Variants in SYNE2 observed in about 807,000 individuals in gnomAD.
The protein encoded by SYNE2 is nesprin-2.
SYNE2 carries 431 observed loss-of-function variants against 856.3 expected under a neutral mutation model. That is an observed-to-expected ratio of 0.50 (90% CI 0.47 to 0.55). The LOEUF is 0.55. SYNE2 is among the 20% of genes least tolerant of loss of function. The pLI, the probability that SYNE2 is intolerant of heterozygous loss-of-function variation, is 0.00. For synonymous variants in SYNE2, 2,923 were observed against 2,872.3 expected, an observed-to-expected ratio of 1.02 and a Z score of -0.56; for missense variants, 8,129 against 8,023.2, an observed-to-expected ratio of 1.01 and a Z score of -0.50.
chr14:63,924,646 A>T (rs1217080782), intron 2 of SYNE2, among the ~76,000 whole-genome samples: 1 of 152,062 alleles, frequency 6.6e-6, no homozygotes, highest in Non-Finnish European at 1.5e-5. Flanking sequence ...TCAAATAGCA[A>T]TTTCTTGATT....
chr14:63,801,171 C>T (rs1227568560), intron 1 of SYNE2, among the ~76,000 whole-genome samples: 1 of 151,914 alleles, frequency 6.6e-6, no homozygotes, highest in Non-Finnish European at 1.5e-5. Context: ...AGAGTGCCTG[C>T]CAGATATGAC....
chr14:63,969,046 T>C (rs1349342484), intron 11 of SYNE2, among the ~76,000 whole-genome samples: 6 of 152,204 alleles, frequency 3.9e-5, no homozygotes, highest in Non-Finnish European at 8.8e-5. Flanking sequence ...TAAACTGTTT[T>C]GATTTTTAGA....
Position 63,967,810 on chromosome 14 carries a change from A to C in SYNE2, c.1092A>C (p.Leu364Phe). 6.2e-7 allele frequency: 1 copy of C among 1,614,124 alleles called. No individual in the cohort carries two copies. Among genetic ancestry groups the C allele is most frequent in the Non-Finnish European group, 8.5e-7 (1 of 1,179,970 alleles). ...RDLDELDKDH[L>F]QLREAWDGLD... is the part of the protein sequence containing the mutation. ...TGGATGAGCTGGACAAGGATCATTT[A>C]CAGTTGAGAGAAGCCTGGGATGGCC... The change falls in exon 11 of 116, where the codon TTA becomes TTC. Residue 364 changes from leucine to phenylalanine, a missense_variant. Leu to Phe is a conservative substitution (Grantham distance 22, BLOSUM62 0). Around this residue, in one of 3 missense-constraint regions of SYNE2, gnomAD observed 2,422 missense variants for 2,357.4 expected, o/e 1.03. Coordinates refer to ENST00000555002, the MANE Select transcript of SYNE2 (RefSeq NM_182914.3).
At chr14:63,834,643 C>CTTTTTTTTTT (rs368369862) in intron 1 of SYNE2, among the ~76,000 whole-genome samples, 1 of 134,948 alleles carries the variant, frequency 7.4e-6, no homozygotes, top group African/African-American at 2.7e-5. Flanking sequence ...CTTTTTCTTT[C>CTTTTTTTTTT]TTTTTTTTTT....
intron 1 of SYNE2, among the ~76,000 whole-genome samples, chr14:63,898,789 C>T (rs1459048555): frequency 1.3e-5 from 2 of 152,110 alleles, no homozygotes; most frequent in African/African-American, 4.8e-5. Context: ...TTTTTCTACC[C>T]TAACACTTGA....
At chr14:63,926,302 C>T (rs905102855) in intron 2 of SYNE2, among the ~76,000 whole-genome samples, 2 of 149,394 alleles carry the variant, frequency 1.3e-5, no homozygotes, top group East Asian at 2.0e-4. Flanking sequence ...CTATTTTGGG[C>T]ATGTCACATA....
intron 95 of SYNE2, among the ~76,000 whole-genome samples, chr14:64,176,517 G>C (rs1567552618): frequency 6.6e-6 from 1 of 152,146 alleles, no homozygotes; most frequent in Non-Finnish European, 1.5e-5. Flanking sequence ...GAAAGTGAAG[G>C]TTGAATGTGA....
At chr14:64,203,033 CG>C in intron 100 of SYNE2, 70 bp downstream of exon 100, 2 of 1,579,190 alleles carry the variant, frequency 1.3e-6, no homozygotes, top group South Asian at 1.1e-5. Context: ...AGGCCTTCCC[CG>C]TATATCTATG....
intron 8 of SYNE2, among the ~76,000 whole-genome samples, chr14:63,955,547 T>TA (rs568696756): frequency 5.9e-5 from 9 of 152,128 alleles, no homozygotes; most frequent in Non-Finnish European, 1.3e-4. Flanking sequence ...TAAAAAAACA[T>TA]TAAGGTCATA....
rs376328902 is a variant in SYNE2, at chr14:64,144,720, C to T, written c.15483+772C>T. Among the ~76,000 whole-genome samples the T allele has an allele frequency of 1.3e-4, 20 of 152,134 alleles. No individual in the cohort carries two copies. The East Asian group carries it at 1.4e-3, about 10-fold the overall frequency. Reference sequence around the variant, plus strand: ...AAAGCATTTGGAAAATGTAAAGAACCGTAATAATAATCTTATCACTTAACC... The same window carrying T: ...AAAGCATTTGGAAAATGTAAAGAACTGTAATAATAATCTTATCACTTAACC... On this transcript the variant is annotated intron_variant, in intron 83 of 115. Transcript: ENST00000555002.
At chr14:63,941,855 C>T in intron 4 of SYNE2, 30 bp from the exon 5 acceptor site, 1 of 1,611,560 alleles carries the variant, frequency 6.2e-7, no homozygotes, top group African/African-American at 1.3e-5. Context: ...TTCATTTTTT[C>T]TGAGTAATAT....
intron 21 of SYNE2, among the ~76,000 whole-genome samples, chr14:63,992,575 C>G (rs1302896456): frequency 2.0e-5 from 3 of 152,160 alleles, no homozygotes; most frequent in African/African-American, 7.2e-5. Context: ...GCCACTGTGC[C>G]CAGCTTCTTG....
At chr14:63,830,900 G>C (rs1324376139) in intron 1 of SYNE2, among the ~76,000 whole-genome samples, 1 of 145,718 alleles carries the variant, frequency 6.9e-6, no homozygotes, top group African/African-American at 2.6e-5. Flanking sequence ...GAGTGCAGTG[G>C]TGTGATCTCA....
chr14:64,031,717 T>C (rs1332749809), intron 45 of SYNE2, among the ~76,000 whole-genome samples: 24 of 152,236 alleles, frequency 1.6e-4, no homozygotes, highest in Non-Finnish European at 2.9e-5. Flanking sequence ...ATCCCAATTT[T>C]TGGGGGGTTG....
At chr14:64,135,503 G>C (rs142056271) in intron 78 of SYNE2, among the ~76,000 whole-genome samples, 33 of 151,748 alleles carry the variant, frequency 2.2e-4, no homozygotes, top group Non-Finnish European at 4.6e-4. Flanking sequence ...GGGTGGGAGT[G>C]GGGGTGATGA....
intron 64 of SYNE2, among the ~76,000 whole-genome samples, chr14:64,102,306 G>A (rs546033421): frequency 1.3e-5 from 2 of 152,186 alleles, no homozygotes; most frequent in South Asian, 2.1e-4. Context: ...TAGTAGAGAC[G>A]GGGTTTCGCC....
intron 47 of SYNE2, 25 bp from the exon 48 acceptor site, chr14:64,051,532 A>G (rs756630709): frequency 6.3e-7 from 1 of 1,590,388 alleles, no homozygotes; most frequent in South Asian, 1.2e-5. Context: ...AATATTAACA[A>G]GCTCTATTTT....
intron 28 of SYNE2, 74 bp from the exon 29 acceptor site, chr14:64,001,860 A>C: frequency 6.7e-7 from 1 of 1,483,060 alleles, no homozygotes; most frequent in Non-Finnish European, 9.4e-7. Context: ...TTAGTTCAGT[A>C]ATTGTGTTAA....
intron 1 of SYNE2, among the ~76,000 whole-genome samples, chr14:63,856,706 C>G (rs1362043308): frequency 6.6e-6 from 1 of 152,122 alleles, no homozygotes; most frequent in East Asian, 1.9e-4. Context: ...TACAAAGGAT[C>G]TGTGTCATAA....
Sources: gnomAD v4.1 joint callset for allele counts (sites outside exome capture counted in the v4.1 genomes callset) on GRCh38, gnomAD v4.1.1 for gene constraint, gnomAD v4.1.1 regional missense constraint, MANE v1.5 for transcripts, NCBI Gene and HGNC (gene_info 2026-07-23, HGNC 2026-07-21) for gene names.